ADAMTS9: variants seen among roughly 807,000 people sequenced by gnomAD.
ADAMTS9 encodes the protein ADAM metallopeptidase with thrombospondin type 1 motif 9.
In ADAMTS9, 107 loss-of-function variants were observed where a neutral mutation model predicts 257.1. The ratio of observed to expected loss-of-function variants is 0.42; its 90% CI spans 0.36 to 0.49. ADAMTS9 has a LOEUF of 0.49. Ranked by LOEUF, ADAMTS9 falls within the 20% of genes least tolerant of loss-of-function variation. The pLI, the probability that ADAMTS9 is intolerant of heterozygous loss-of-function variation, is 0.03. For missense variants in ADAMTS9, 2,353 were observed against 2,469.1 expected, an observed-to-expected ratio of 0.95 and a Z score of 1.00; for synonymous variants, 982 against 880.9, an observed-to-expected ratio of 1.11 and a Z score of -2.03.
intron 37 of ADAMTS9, among the ~76,000 whole-genome samples, chr3:64,533,663 C>T (rs967997585): frequency 7.2e-5 from 11 of 152,218 alleles, no homozygotes; most frequent in Admixed American, 5.9e-4. Context: ...AACAAAATGT[C>T]ACAGTGTAAT....
chr3:64,656,014 C>T, intron 4 of ADAMTS9, 139 bp from the exon 5 acceptor site: 2 of 556,320 alleles, frequency 3.6e-6, no homozygotes, highest in Non-Finnish European at 6.4e-6. Context: ...TTTTCATTCA[C>T]TCAACAACAC....
chr3:64,646,456 A>G (rs1431819896), intron 11 of ADAMTS9, among the ~76,000 whole-genome samples: 1 of 152,192 alleles, frequency 6.6e-6, no homozygotes, highest in Admixed American at 6.5e-5. Context: ...CATGTCTTGC[A>G]AAGATTCACT....
intron 4 of ADAMTS9, among the ~76,000 whole-genome samples, chr3:64,657,932 T>C (rs1290806498): frequency 3.3e-5 from 5 of 152,138 alleles, no homozygotes; most frequent in African/African-American, 1.2e-4. Flanking sequence ...AAAAATAGAA[T>C]GAAAGCCTCC....
chr3:64,532,932 T>C (rs1275630862), intron 38 of ADAMTS9, among the ~76,000 whole-genome samples: 1 of 152,210 alleles, frequency 6.6e-6, no homozygotes, highest in African/African-American at 2.4e-5. Context: ...GGATGGTTCA[T>C]ATGTTCACCT....
chr3:64,533,205 T>C lies in ADAMTS9; in HGVS notation c.5679A>G (p.Ser1893=), dbSNP rs1463485486. 1 of 1,614,172 alleles carries C rather than the reference T, an allele frequency of 6.2e-7. No individual in the cohort carries two copies. The highest frequency in any genetic ancestry group is 2.2e-5 in the East Asian group (1 of 44,878). ...TGTCAGAGACAGCATAATTCCCTTG[T>C]GATATCCATCTGGCAGATTCAGTTA... is the stretch of plus-strand genomic sequence containing the variant. ...LSLTESARWI[S]QGNYAVSDIK... Residue 1893 remains serine (S), a synonymous_variant, in exon 38 of 40, where the codon TCA becomes TCG. Coordinates refer to ENST00000498707, the MANE Select transcript of ADAMTS9 (RefSeq NM_182920.2).
chr3:64,561,799 T>TTTTTG, intron 29 of ADAMTS9, 48 bp from the exon 30 acceptor site: 26 of 559,930 alleles, frequency 4.6e-5, no homozygotes, highest in Admixed American at 1.9e-4. Context: ...ATTTATTTTT[T>TTTTTG]GGGGGGGCGG....
At chr3:64,634,532 A>G (rs1700445592) in intron 12 of ADAMTS9, among the ~76,000 whole-genome samples, 1 of 152,274 alleles carries the variant, frequency 6.6e-6, no homozygotes, top group Non-Finnish European at 1.5e-5. Context: ...TGACGAGTGT[A>G]TGGCATACGC....
In ADAMTS9 at chr3:64,550,984, C is replaced by T; in HGVS notation, c.4777G>A (p.Ala1593Thr). The part of the protein sequence containing the change: ...VDDNKNEVHG[A>T]RCDVSKRPVD... ...GGCCGCTTGCTCACGTCACAGCGTGCCCCATGCACCTCGTTTTTGTTGTCA... is the reference window on the plus strand; with the variant it reads ...GGCCGCTTGCTCACGTCACAGCGTGTCCCATGCACCTCGTTTTTGTTGTCA... The change falls in exon 31 of 40, where the codon GCA becomes ACA. Residue 1593 changes from alanine to threonine, a missense_variant. Ala to Thr is a moderately conservative substitution (Grantham distance 58). Transcript: ENST00000498707. 1 of 1,614,182 alleles carries T rather than the reference C, an allele frequency of 6.2e-7. No individual in the cohort carries two copies. The highest frequency in any genetic ancestry group is 1.1e-5 in the South Asian group (1 of 91,078).
At chr3:64,639,717 G>A (rs1700592298) in intron 12 of ADAMTS9, among the ~76,000 whole-genome samples, 2 of 152,084 alleles carry the variant, frequency 1.3e-5, no homozygotes, top group South Asian at 2.1e-4. Flanking sequence ...CCACCAAATA[G>A]TTTTTAATAT....
chr3:64,539,098 G>A, intron 37 of ADAMTS9, 105 bp downstream of exon 37: 1 of 1,187,640 alleles, frequency 8.4e-7, no homozygotes, highest in Non-Finnish European at 1.2e-6. Flanking sequence ...CTGCCCTCTA[G>A]AGCAACTGTT....
intron 11 of ADAMTS9, among the ~76,000 whole-genome samples, chr3:64,646,498 C>G (rs1268986064): frequency 6.6e-6 from 1 of 152,128 alleles, no homozygotes; most frequent in Non-Finnish European, 1.5e-5. Flanking sequence ...TCCCTTTAAA[C>G]CAATGAAAGC....
chr3:64,539,117 A>G, intron 37 of ADAMTS9, 86 bp downstream of exon 37: 1 of 1,365,360 alleles, frequency 7.3e-7, no homozygotes, highest in Non-Finnish European at 1.0e-6. Flanking sequence ...TTCTAATCAC[A>G]TTCCCAGGAA....
At chr3:64,529,828 G>A (rs1351247484) in intron 38 of ADAMTS9, among the ~76,000 whole-genome samples, 1 of 152,026 alleles carries the variant, frequency 6.6e-6, no homozygotes, top group African/African-American at 2.4e-5. Flanking sequence ...GTTTTGTTTT[G>A]TTTTGTTTTG....
rs375042886 is a variant in ADAMTS9 at position 64,686,886 on chromosome 3, G to C, written c.198C>G (p.Asn66Lys). 2 of 1,614,196 alleles carry C rather than the reference G, an allele frequency of 1.2e-6. No individual in the cohort carries two copies. The highest frequency in any genetic ancestry group is 1.7e-6 in the Non-Finnish European group (2 of 1,180,036). ...TCCGTCGCGTTCTTTTGAAGTGGAC[G>C]TTCGTGGGAAAGGGTTCTCCGAGAG... ...VNALGEPFPT[N>K]VHFKRTRRSI... The change falls in exon 2 of 40, where the codon AAC becomes AAG. Residue 66 changes from asparagine (N) to lysine (K), a missense_variant. By Grantham distance (94) the Asn-to-Lys change is moderately conservative. Around this residue, in one of 3 missense-constraint regions of ADAMTS9, gnomAD observed 591 missense variants for 569.6 expected, o/e 1.04. Transcript: ENST00000498707. This position sits in a 1 kb window ranked among gnomAD's most constrained non-coding sequence, Gnocchi z 4.6.
intron 10 of ADAMTS9, among the ~76,000 whole-genome samples, chr3:64,648,770 G>A (rs540841735): frequency 7.2e-5 from 11 of 152,100 alleles, no homozygotes; most frequent in Admixed American, 4.6e-4. Context: ...CATGTTCCCA[G>A]ATGTAGATCA....
At chr3:64,681,454 G>A in intron 2 of ADAMTS9, 91 bp from the exon 3 acceptor site, 1 of 1,354,596 alleles carries the variant, frequency 7.4e-7, no homozygotes, top group Non-Finnish European at 1.0e-6. Context: ...TAGAGATGGT[G>A]TCATTTTACC....
chr3:64,526,175 T>C (rs916614300), intron 38 of ADAMTS9, among the ~76,000 whole-genome samples: 14 of 150,448 alleles, frequency 9.3e-5, no homozygotes, highest in Non-Finnish European at 1.8e-4. Flanking sequence ...AAGAGAAGAA[T>C]TGTAATGTTC....
intron 2 of ADAMTS9, among the ~76,000 whole-genome samples, chr3:64,683,758 T>C (rs957305529): frequency 6.6e-6 from 1 of 152,164 alleles, no homozygotes; most frequent in Non-Finnish European, 1.5e-5. Context: ...GCTAAGTATA[T>C]ACAACATACA....
rs781496825 is a variant in ADAMTS9 at position 64,541,653 on chromosome 3, G to C, written c.5198-33C>G. The stretch of plus-strand genomic sequence containing the variant: ...ACACCAATCACAAAAAATAGGGTGT[G>C]ATGATCCGAGATGTGAATTATCTGC... On this transcript the variant is annotated intron_variant, in intron 33 of 39. Transcript: ENST00000498707. The C allele has an allele frequency of 2.5e-6, 4 of 1,582,012 alleles. No individual in the cohort carries two copies. The South Asian group carries it at 4.4e-5, about 18-fold the overall frequency.
Sources: allele counts gnomAD v4.1 joint callset (sites outside exome capture counted in the v4.1 genomes callset), GRCh38; gene constraint gnomAD v4.1.1; regional missense constraint gnomAD v4.1.1; non-coding constraint Gnocchi (gnomAD v3.1); transcripts MANE v1.5; gene names NCBI Gene and HGNC (gene_info 2026-07-23, HGNC 2026-07-21).